The following ATRNL1 variants were observed in gnomAD, a reference collection of about 807,000 sequenced individuals.
ATRNL1 encodes attractin like 1, also known as attractin-like protein 1.
ATRNL1 carries 95 observed loss-of-function variants against 182.7 expected under a neutral mutation model. The observed-to-expected ratio is 0.52, with a 90% confidence interval of 0.44 to 0.62. ATRNL1 has a LOEUF of 0.62. ATRNL1 is among the 20% of genes least tolerant of loss of function. ATRNL1 has a pLI of 0.00. For synonymous variants in ATRNL1, 576 were observed against 568.3 expected, an observed-to-expected ratio of 1.01 and a Z score of -0.19; for missense variants, 1,471 against 1,679.5, an observed-to-expected ratio of 0.88 and a Z score of 2.17.
In ATRNL1 at chr10:115,382,524, G is replaced by T. The variant is rs1401167569; in HGVS notation, c.3176-12135G>T. On this transcript the variant is annotated intron_variant, in intron 19 of 28. Transcript: ENST00000355044. Reference sequence around the variant, plus strand: ...GAAGCACAATAGACTTTTATACATTGATTTTATATCCTGCTTACACATTGA... The same window carrying T: ...GAAGCACAATAGACTTTTATACATTTATTTTATATCCTGCTTACACATTGA... 4.0e-5 allele frequency among the ~76,000 whole-genome samples: 6 copies of T among 151,546 alleles called. No homozygotes were observed. In the East Asian group the frequency reaches 1.2e-3, roughly 29 times the overall value.
chr10:115,712,384 C>T (rs955024841), intron 26 of ATRNL1, among the ~76,000 whole-genome samples: 2 of 152,134 alleles, frequency 1.3e-5, no homozygotes, highest in Non-Finnish European at 2.9e-5. Context: ...TCAGTGGTAT[C>T]TAAGGAAAGA....
chr10:115,835,518 G>A (rs1950649030), intron 27 of ATRNL1, among the ~76,000 whole-genome samples: 2 of 152,144 alleles, frequency 1.3e-5, no homozygotes, highest in Admixed American at 1.3e-4. Flanking sequence ...CACTCATATG[G>A]GAGAATTGGG....
rs1342220358 is a variant in ATRNL1, at chr10:115,093,895, C to T, written c.145C>T (p.Leu49Phe). 4 of 1,596,554 alleles carry T rather than the reference C, an allele frequency of 2.5e-6. No homozygotes were observed. Among genetic ancestry groups the T allele is most frequent in the Admixed American group, 1.7e-5 (1 of 58,364 alleles). ...CAGCTGGCTGCTGTGCTATGGCTTC[C>T]TCTACCTGGCGCTCTACGCGCAGGT... ...GNSWLLCYGF[L>F]YLALYAQVSQ... Residue 49 changes from leucine to phenylalanine, a missense_variant, in exon 1 of 29, where the codon CTC becomes TTC. This residue lies in a region of ATRNL1 where 1,031 missense variants were observed against 1,156.0 expected (regional missense o/e 0.89). Coordinates refer to ENST00000355044, the MANE Select transcript of ATRNL1 (RefSeq NM_207303.4). This position sits in a 1 kb window ranked among gnomAD's most constrained non-coding sequence, Gnocchi z 6.1.
intron 24 of ATRNL1, among the ~76,000 whole-genome samples, chr10:115,489,354 G>A (rs1849182140): frequency 6.6e-6 from 1 of 152,120 alleles, no homozygotes; most frequent in Non-Finnish European, 1.5e-5. Context: ...TATTGTGTGG[G>A]AGTCTAAGTC....
intron 26 of ATRNL1, among the ~76,000 whole-genome samples, chr10:115,720,908 T>C (rs983574761): frequency 1.3e-5 from 2 of 152,218 alleles, no homozygotes; most frequent in Non-Finnish European, 2.9e-5. Context: ...TATGAGTTGA[T>C]TGATTTATTT....
At position 115,292,514 on chromosome 10, in the gene ATRNL1, C is replaced by G. The variant is rs547972879; in HGVS notation, c.2415+6117C>G. On this transcript the variant is annotated intron_variant, in intron 15 of 28. Coordinates refer to ENST00000355044, the MANE Select transcript of ATRNL1 (RefSeq NM_207303.4). ...TAGATGTTTATTACTATAAACTTCC[C>G]TTTCAGTACTCCTTTTGCTATATCC... Among the ~76,000 whole-genome samples, 58 of 151,500 alleles carry G rather than the reference C, an allele frequency of 3.8e-4. 1 individual carries two copies. Among genetic ancestry groups the G allele is most frequent in the Non-Finnish European group, 5.9e-4 (40 of 67,856 alleles).
intron 28 of ATRNL1, among the ~76,000 whole-genome samples, chr10:115,923,825 G>T (rs115626966): frequency 6.6e-6 from 1 of 152,174 alleles, no homozygotes; most frequent in African/African-American, 2.4e-5. Context: ...TTGAGGAATC[G>T]CCTACTGTCT....
At chr10:115,817,163 A>G (rs1950183927) in intron 27 of ATRNL1, among the ~76,000 whole-genome samples, 1 of 152,090 alleles carries the variant, frequency 6.6e-6, no homozygotes, top group South Asian at 2.1e-4. Context: ...AGGGACATAA[A>G]GACATCCTCA....
intron 24 of ATRNL1, among the ~76,000 whole-genome samples, chr10:115,517,360 G>A (rs957114890): frequency 6.6e-6 from 1 of 151,706 alleles, no homozygotes; most frequent in East Asian, 1.9e-4. Flanking sequence ...GTTTTTAAGT[G>A]CCTATTATAT....
chr10:115,334,269 C>A lies in ATRNL1; in HGVS notation c.3038-13C>A. The A allele has an allele frequency of 6.8e-7, 1 of 1,463,660 alleles. No homozygotes were observed. The allele number at this position is 1,463,660 out of a possible 1,614,324, so 90.7% of individuals were successfully genotyped here. A position where few individuals can be genotyped will look rare whatever the true frequency, so the allele number is the denominator to read the frequency against. On this transcript the variant is annotated splice_polypyrimidine_tract_variant and intron_variant, in intron 18 of 28. Coordinates refer to ENST00000355044, the MANE Select transcript of ATRNL1 (RefSeq NM_207303.4). ...TGTTAGATATTTGTAATGCTTTTTA[C>A]TGTTTCCTTTAGCTTGCCAGTGTAA... is the stretch of plus-strand genomic sequence containing the variant.
chr10:115,271,907 G>A (rs374267240), intron 13 of ATRNL1, among the ~76,000 whole-genome samples: 4 of 152,278 alleles, frequency 2.6e-5, no homozygotes, highest in African/African-American at 9.6e-5. Flanking sequence ...GGTAGGAGGT[G>A]TTTGAATCAC....
intron 25 of ATRNL1, among the ~76,000 whole-genome samples, chr10:115,529,289 T>C (rs1554987509): frequency 1.3e-5 from 2 of 152,018 alleles, no homozygotes; most frequent in Admixed American, 6.6e-5. Flanking sequence ...TTAACTTAAA[T>C]ATAGTATTTC....
chr10:115,524,948 G>GTA (rs1334551551), intron 25 of ATRNL1, among the ~76,000 whole-genome samples: 2 of 152,076 alleles, frequency 1.3e-5, no homozygotes, highest in African/African-American at 2.4e-5. Context: ...CTCCTGTACT[G>GTA]TATATATATC....
At chr10:115,304,520 G>A (rs940479473) in intron 17 of ATRNL1, among the ~76,000 whole-genome samples, 3 of 152,182 alleles carry the variant, frequency 2.0e-5, no homozygotes. Context: ...AAGGCAGAAG[G>A]TTCGCTCTTA....
At chr10:115,182,133 A>G (rs879992261) in intron 8 of ATRNL1, among the ~76,000 whole-genome samples, 3 of 151,618 alleles carry the variant, frequency 2.0e-5, no homozygotes, top group Admixed American at 1.3e-4. Flanking sequence ...GAGGTTTGCT[A>G]TATTTAAATT....
At chr10:115,728,304 A>C (rs1358104801) in intron 27 of ATRNL1, among the ~76,000 whole-genome samples, 6 of 144,514 alleles carry the variant, frequency 4.2e-5, no homozygotes, top group Non-Finnish European at 7.7e-5. Flanking sequence ...GCCTCAAAAA[A>C]AAAAAAAAAA....
At position 115,536,550 on chromosome 10, in the gene ATRNL1, C is replaced by T. The variant is rs188167498; in HGVS notation, c.3717-12908C>T. Among the ~76,000 whole-genome samples, 514 of 152,322 alleles carry T rather than the reference C, an allele frequency of 3.4e-3. 10 individuals are homozygous for T. Among genetic ancestry groups the T allele is most frequent in the Admixed American group, 0.012 (187 of 15,308 alleles). ...TTGACTAGGTAAGGGAATTTCCTGA[C>T]GCCTTGTGCTTCCCAAGTGAGGCAA... On this transcript the variant is annotated intron_variant, in intron 25 of 28. Transcript: ENST00000355044.
chr10:115,315,799 G>T (rs991073940), intron 18 of ATRNL1, 63 bp downstream of exon 18: 1 of 1,363,208 alleles, frequency 7.3e-7, no homozygotes, highest in Non-Finnish European at 1.0e-6. Context: ...AGGAGTTTTT[G>T]TTCTTATAAT....
intron 27 of ATRNL1, among the ~76,000 whole-genome samples, chr10:115,794,007 T>C (rs1555082330): frequency 6.6e-6 from 1 of 152,168 alleles, no homozygotes; most frequent in Non-Finnish European, 1.5e-5. Flanking sequence ...GACAACAATG[T>C]CATAATGATA....
Sources: allele counts gnomAD v4.1 joint callset (sites outside exome capture counted in the v4.1 genomes callset), GRCh38; gene constraint gnomAD v4.1.1; regional missense constraint gnomAD v4.1.1; non-coding constraint Gnocchi (gnomAD v3.1); transcripts MANE v1.5; gene names NCBI Gene and HGNC (gene_info 2026-07-23, HGNC 2026-07-21).